The following AHCYL2 variants were observed in gnomAD, a reference collection of about 807,000 sequenced individuals.
The protein encoded by AHCYL2 is S-adenosylhomocysteine hydrolase-like protein 2.
A neutral mutation model predicts 81.4 loss-of-function variants in AHCYL2; 28 were observed. That is an observed-to-expected ratio of 0.34 (90% CI 0.25 to 0.47). AHCYL2 has a LOEUF of 0.47. AHCYL2 is among the 20% of genes least tolerant of loss of function. The pLI is 1.00. For synonymous variants in AHCYL2, 272 were observed against 290.2 expected (o/e 0.94, Z 0.64); for missense variants, 551 against 785.1 (o/e 0.70, Z 3.56).
At chr7:129,313,711 GA>G (rs1261883740) in intron 1 of AHCYL2, among the ~76,000 whole-genome samples, 1 of 151,984 alleles carries the variant, frequency 6.6e-6, no homozygotes, top group Non-Finnish European at 1.5e-5. Flanking sequence ...TAGACACAAT[GA>G]AAAAAATAGA....
At chr7:129,425,362 A>G (rs1386460793) in intron 15 of AHCYL2, among the ~76,000 whole-genome samples, 1 of 151,578 alleles carries the variant, frequency 6.6e-6, no homozygotes, top group East Asian at 1.9e-4. Flanking sequence ...GATTTATTTT[A>G]CCTGCCTGTG....
At chr7:129,350,446 TG>T (rs914928332) in intron 1 of AHCYL2, among the ~76,000 whole-genome samples, 27 of 151,408 alleles carry the variant, frequency 1.8e-4, no homozygotes, top group African/African-American at 6.1e-4. Context: ...TGCAATGGCG[TG>T]GTCTCAGCTT....
At chr7:129,378,340 A>G (rs1794789607) in intron 1 of AHCYL2, among the ~76,000 whole-genome samples, 1 of 152,170 alleles carries the variant, frequency 6.6e-6, no homozygotes, top group African/African-American at 2.4e-5. Context: ...ACTTACTAGT[A>G]CTGGAAAGCT....
intron 1 of AHCYL2, among the ~76,000 whole-genome samples, chr7:129,252,968 G>A (rs1795293173): frequency 6.6e-6 from 1 of 152,122 alleles, no homozygotes; most frequent in Admixed American, 6.5e-5. Flanking sequence ...CAGCGCTTTG[G>A]GAGGCTGAGG....
chr7:129,341,567 C>T (rs1244709051), intron 1 of AHCYL2, among the ~76,000 whole-genome samples: 1 of 152,088 alleles, frequency 6.6e-6, no homozygotes, highest in Non-Finnish European at 1.5e-5. Flanking sequence ...GCATATAATT[C>T]TTTGGTACCA....
chr7:129,328,910 C>G (rs914074926), intron 1 of AHCYL2, among the ~76,000 whole-genome samples: 1 of 152,096 alleles, frequency 6.6e-6, no homozygotes, highest in African/African-American at 2.4e-5. Flanking sequence ...TTGTTTTTCT[C>G]CTTTATTTTC....
At chr7:129,386,056 G>A (rs774551696) in intron 2 of AHCYL2, among the ~76,000 whole-genome samples, 5 of 152,112 alleles carry the variant, frequency 3.3e-5, no homozygotes, top group Admixed American at 1.3e-4. Context: ...TGTGTTTGCA[G>A]AACTAATAAT....
chr7:129,234,724 C>T (rs1794578694), intron 1 of AHCYL2, among the ~76,000 whole-genome samples: 1 of 152,036 alleles, frequency 6.6e-6, no homozygotes, highest in Non-Finnish European at 1.5e-5. Flanking sequence ...TCGAATTCCT[C>T]GCTTCAAGCA....
In AHCYL2 at chr7:129,351,040, C is replaced by T. The variant is rs1360531686; in HGVS notation, c.364-28598C>T. Among the ~76,000 whole-genome samples the T allele has an allele frequency of 1.3e-5, 2 of 151,954 alleles. 1 individual carries two copies. The highest frequency in any genetic ancestry group is 2.9e-5 in the Non-Finnish European group (2 of 68,004). ...TCTTTTTTAAAAGCAAACAATTCAT[C>T]CTTAAGTATTAGAAATAGCATAAAT... On this transcript the variant is annotated intron_variant, in intron 1 of 16. Coordinates refer to ENST00000325006, the MANE Select transcript of AHCYL2 (RefSeq NM_015328.4).
At chr7:129,254,411 G>C (rs1327913870) in intron 1 of AHCYL2, among the ~76,000 whole-genome samples, 1 of 152,114 alleles carries the variant, frequency 6.6e-6, no homozygotes, top group East Asian at 1.9e-4. Context: ...ACTTGATACT[G>C]AAATAGTTTG....
intron 1 of AHCYL2, among the ~76,000 whole-genome samples, chr7:129,289,286 C>A (rs1027815087): frequency 1.3e-5 from 2 of 152,114 alleles, no homozygotes; most frequent in Non-Finnish European, 2.9e-5. Flanking sequence ...GAGATGGGAT[C>A]TCACTATGTT....
intron 2 of AHCYL2, among the ~76,000 whole-genome samples, chr7:129,381,458 T>A (rs868564105): frequency 6.6e-6 from 1 of 152,220 alleles, no homozygotes; most frequent in South Asian, 2.1e-4. Flanking sequence ...AACTTGGACC[T>A]TTTAGATTAA....
chr7:129,241,834 A>G lies in AHCYL2; in HGVS notation c.363+16395A>G, dbSNP rs145734218. On this transcript the variant is annotated intron_variant, in intron 1 of 16. Transcript: ENST00000325006. ...GAAGTTCAAGACCAGCCTGGGCAAC[A>G]TAGTGAGACCCTATCTCTATTTTTT... is the stretch of plus-strand genomic sequence containing the variant. 2.2e-3 allele frequency among the ~76,000 whole-genome samples: 328 copies of G among 152,248 alleles called. 1 individual carries two copies. Among genetic ancestry groups the G allele is most frequent in the African/African-American group, 7.1e-3 (293 of 41,538 alleles).
intron 11 of AHCYL2, among the ~76,000 whole-genome samples, chr7:129,412,060 AT>A (rs1358606417): frequency 1.3e-5 from 2 of 151,704 alleles, no homozygotes; most frequent in Non-Finnish European, 2.9e-5. Context: ...TGTTTTTAAC[AT>A]TTTCAGGCTG....
At position 129,358,347 on chromosome 7, in the gene AHCYL2, G is replaced by A. The variant is rs983262878; in HGVS notation, c.364-21291G>A. On this transcript the variant is annotated intron_variant, in intron 1 of 16. Coordinates refer to ENST00000325006, the MANE Select transcript of AHCYL2 (RefSeq NM_015328.4). ...GCGGGGCTTCCTGTGAGCAGAGATC[G>A]CGCCACTGCACTCCAGCCTGGGAGA... Among the ~76,000 whole-genome samples, 4 of 150,176 alleles carry A rather than the reference G, an allele frequency of 2.7e-5. No homozygotes were observed. The South Asian group carries it at 8.5e-4, about 32-fold the overall frequency.
intron 1 of AHCYL2, among the ~76,000 whole-genome samples, chr7:129,343,138 A>T (rs1793244279): frequency 6.6e-6 from 1 of 152,128 alleles, no homozygotes; most frequent in African/African-American, 2.4e-5. Context: ...TTTATTTAAA[A>T]TTTTTTGTCT....
intron 1 of AHCYL2, among the ~76,000 whole-genome samples, chr7:129,358,185 A>C (rs917341852): frequency 1.3e-5 from 2 of 151,948 alleles, no homozygotes; most frequent in Admixed American, 1.3e-4. Context: ...CGAGGTCAGG[A>C]GATTGAGACC....
Position 129,348,764 on chromosome 7 carries a change from T to C in AHCYL2, c.364-30874T>C, listed in dbSNP as rs1793449948. 2.6e-5 allele frequency among the ~76,000 whole-genome samples: 4 copies of C among 152,206 alleles called. No individual in the cohort carries two copies. In the South Asian group the frequency reaches 8.3e-4, roughly 31 times the overall value. ...CTGTTTGGAGGGTTCACAGGATTTA[T>C]TTTCTTCACCTAGGCCAAGGATTGT... On this transcript the variant is annotated intron_variant, in intron 1 of 16. Coordinates refer to ENST00000325006, the MANE Select transcript of AHCYL2 (RefSeq NM_015328.4).
intron 1 of AHCYL2, among the ~76,000 whole-genome samples, chr7:129,330,634 C>A (rs1437932771): frequency 1.3e-5 from 2 of 152,182 alleles, no homozygotes; most frequent in East Asian, 3.9e-4. Context: ...CCACGCCCGG[C>A]TAATTTTTAG....
Sources: gnomAD v4.1 joint callset for allele counts (sites outside exome capture counted in the v4.1 genomes callset) on GRCh38, gnomAD v4.1.1 for gene constraint, MANE v1.5 for transcripts, NCBI Gene and HGNC (gene_info 2026-07-23, HGNC 2026-07-21) for gene names.